The following KIDINS220 variants were observed in gnomAD, a reference collection of about 807,000 sequenced individuals.
KIDINS220 encodes the protein kinase D interacting substrate 220, also known as kinase D-interacting substrate of 220 kDa.
KIDINS220 carries 63 observed loss-of-function variants against 157.6 expected under a neutral mutation model. The ratio of observed to expected loss-of-function variants is 0.40; its 90% CI spans 0.33 to 0.49. KIDINS220 has a LOEUF of 0.49. KIDINS220 is among the 20% of genes least tolerant of loss of function. The pLI, the probability that KIDINS220 is intolerant of heterozygous loss-of-function variation, is 0.66. For synonymous variants in KIDINS220, 732 were observed against 783.6 expected, an observed-to-expected ratio of 0.93 and a Z score of 1.10; for missense variants, 1,772 against 2,171.2, an observed-to-expected ratio of 0.82 and a Z score of 3.65.
intron 29 of KIDINS220, among the ~76,000 whole-genome samples, chr2:8,732,499 T>C (rs992489267): frequency 6.6e-6 from 1 of 152,222 alleles, no homozygotes; most frequent in Non-Finnish European, 1.5e-5. Flanking sequence ...AGTTGGGCCT[T>C]AGTAAACAGA....
rs1663734912 is a variant in KIDINS220, at chr2:8,729,520, A to T, written c.*1200T>A. On this transcript the variant is annotated 3_prime_UTR_variant, in exon 30 of 30. Coordinates refer to ENST00000256707, the MANE Select transcript of KIDINS220 (RefSeq NM_020738.4). ...CTAGTCCACACAGTACTTCAATGTGACCATTCTCTTAACTCGGCTAATAAT... is the reference window on the plus strand; with the variant it reads ...CTAGTCCACACAGTACTTCAATGTGTCCATTCTCTTAACTCGGCTAATAAT... The T allele has an allele frequency of 3.0e-6, 3 of 983,836 alleles. No homozygotes were observed. In the South Asian group the frequency reaches 1.4e-4, roughly 46 times the overall value. The allele number at this position is 983,836 out of a possible 1,614,324, so 60.9% of individuals were successfully genotyped here.
intron 23 of KIDINS220, among the ~76,000 whole-genome samples, chr2:8,750,704 T>C (rs1008338361): frequency 1.3e-5 from 2 of 152,250 alleles, no homozygotes; most frequent in African/African-American, 4.8e-5. Flanking sequence ...TATTAACACA[T>C]ATAATGTTAG....
At chr2:8,796,734 C>CT in intron 11 of KIDINS220, 37 bp downstream of exon 11, 1 of 1,515,986 alleles carries the variant, frequency 6.6e-7, no homozygotes, top group Non-Finnish European at 9.2e-7. Flanking sequence ...CGACCAACAG[C>CT]TTTCCATACA....
rs1403416835 is a variant in KIDINS220, at chr2:8,731,603, T to C, written c.4433A>G (p.Glu1478Gly). Reference protein sequence around the residue: ...NDASPLDPITEEDEKSDQSGS... With the variant: ...NDASPLDPITGEDEKSDQSGS... ...TGACTGATCTGATTTTTCATCTTCT[T>C]CAGTGATAGGATCCAGGGGGGAAGC... The change falls in exon 30 of 30, where the codon GAA becomes GGA. Residue 1478 changes from glutamate (E) to glycine (G), a missense_variant. This residue lies in a region of KIDINS220 where 793 missense variants were observed against 885.5 expected (regional missense o/e 0.90). Transcript: ENST00000256707. The surrounding 1 kb of genome is among the most constrained non-coding windows in gnomAD (Gnocchi z 5.2). 6.2e-7 allele frequency: 1 copy of C among 1,614,040 alleles called. No individual in the cohort carries two copies. The highest frequency in any genetic ancestry group is 8.5e-7 in the Non-Finnish European group (1 of 1,180,004).
chr2:8,794,896 T>G, intron 11 of KIDINS220, among the ~76,000 whole-genome samples: 1 of 152,180 alleles, frequency 6.6e-6, no homozygotes, highest in Non-Finnish European at 1.5e-5. Context: ...TCCTCTCATG[T>G]CCTAAAAAAT....
chr2:8,800,517 A>G lies in KIDINS220; in HGVS notation c.802-19T>C. On this transcript the variant is annotated intron_variant, in intron 8 of 29. Transcript: ENST00000256707. ...CCCCACTCTAAGAAGACAGAAAATA[A>G]AAACAAAAACAAGGTAAATTGACAA... is the stretch of plus-strand genomic sequence containing the variant. The G allele has an allele frequency of 6.6e-7, 1 of 1,510,528 alleles. No homozygotes were observed. Among genetic ancestry groups the G allele is most frequent in the South Asian group, 1.2e-5 (1 of 84,758 alleles). 93.6% of individuals were successfully genotyped at this position (1,510,528 alleles called of 1,614,324 possible).
Position 8,790,078 on chromosome 2 carries a change from C to G in KIDINS220, c.1442-19G>C. On this transcript the variant is annotated intron_variant, in intron 13 of 29. Transcript: ENST00000256707. ...ATTTCGTCTGAAAGAGAATTTAATA[C>G]GAAACCTTATTCCTGTTTTGTTTAA... 6.3e-7 allele frequency: 1 copy of G among 1,574,882 alleles called. No individual in the cohort carries two copies. Among genetic ancestry groups the G allele is most frequent in the Non-Finnish European group, 8.6e-7 (1 of 1,167,424 alleles).
Position 8,788,886 on chromosome 2 carries a change from A to C in KIDINS220, c.1622-74T>G, listed in dbSNP as rs576378248. On this transcript the variant is annotated intron_variant, in intron 14 of 29. Transcript: ENST00000256707. ...CAGATCTTTTCTCCAAAGATCAAGT[A>C]TCAAGTAATGAGAGCTAAGCTTACA... is the stretch of plus-strand genomic sequence containing the variant. 4.2e-4 allele frequency: 569 copies of C among 1,352,352 alleles called. 9 individuals carry two copies. The South Asian group carries it at 6.9e-3, about 17-fold the overall frequency. The allele number at this position is 1,352,352 out of a possible 1,614,324, so 83.8% of individuals were successfully genotyped here. A position where few individuals can be genotyped will look rare whatever the true frequency, so the allele number is the denominator to read the frequency against.
At position 8,798,310 on chromosome 2, in the gene KIDINS220, TAA is replaced by T. The variant is rs558177292; in HGVS notation, c.901-12_901-11del. The T allele has an allele frequency of 7.0e-7, 1 of 1,421,960 alleles. No homozygotes were observed. The highest frequency in any genetic ancestry group is 1.4e-5 in the African/African-American group (1 of 70,672). 88.1% of individuals were successfully genotyped at this position (1,421,960 alleles called of 1,614,324 possible). A position where few individuals can be genotyped will look rare whatever the true frequency, so the allele number is the denominator to read the frequency against. Reference sequence around the variant, plus strand: ...AAGCAGTTTTATTATCCTAGATAATTAAAAAAAACACAATCACTTCATGTAAG... The same window carrying T: ...AAGCAGTTTTATTATCCTAGATAATTAAAAAACACAATCACTTCATGTAAG... On this transcript the variant is annotated splice_polypyrimidine_tract_variant and intron_variant, in intron 9 of 29. Transcript: ENST00000256707.
chr2:8,830,981 A>G (rs1679534122), intron 1 of KIDINS220, among the ~76,000 whole-genome samples: 1 of 152,194 alleles, frequency 6.6e-6, no homozygotes, highest in African/African-American at 2.4e-5. Context: ...GTGACAGGCT[A>G]GCAACTTTTG....
chr2:8,756,637 T>C (rs558243853), intron 22 of KIDINS220, among the ~76,000 whole-genome samples: 2 of 152,162 alleles, frequency 1.3e-5, no homozygotes, highest in Non-Finnish European at 2.9e-5. Flanking sequence ...GGCCTTCTTT[T>C]TGGTTTGCAA....
At chr2:8,733,754 C>T (rs1664474817) in intron 28 of KIDINS220, 74 bp from the exon 29 acceptor site, 1 of 1,014,576 alleles carries the variant, frequency 9.9e-7, no homozygotes, top group South Asian at 1.9e-5. Flanking sequence ...TTTAGAAATA[C>T]CAAACATTAT....
Position 8,802,958 on chromosome 2 carries a change from G to C in KIDINS220, c.773C>G (p.Ala258Gly), listed in dbSNP as rs779916209. ...HTEIVQDLLD[A>G]GTYVNIPDRS... Reference sequence around the variant, plus strand: ...GTCAGGTATGTTCACATATGTTCCAGCGTCGAGCAGATCCTGCACAATCTC... The same window carrying C: ...GTCAGGTATGTTCACATATGTTCCACCGTCGAGCAGATCCTGCACAATCTC... The change falls in exon 8 of 30, where the codon GCT becomes GGT. Residue 258 changes from alanine to glycine, a missense_variant. Physicochemically the swap from Ala to Gly is moderately conservative, Grantham distance 60. Transcript: ENST00000256707. 6.2e-7 allele frequency: 1 copy of C among 1,613,916 alleles called. No homozygotes were observed. Among genetic ancestry groups the C allele is most frequent in the East Asian group, 2.2e-5 (1 of 44,866 alleles).
chr2:8,753,801 A>C (rs564966305), intron 22 of KIDINS220, among the ~76,000 whole-genome samples: 4 of 152,354 alleles, frequency 2.6e-5, no homozygotes, highest in Admixed American at 1.3e-4. Flanking sequence ...AAGTCATCTA[A>C]GGGAAAAACC....
intron 26 of KIDINS220, among the ~76,000 whole-genome samples, chr2:8,744,182 ATAT>A (rs1364974445): frequency 2.8e-5 from 4 of 144,466 alleles, no homozygotes; most frequent in East Asian, 2.0e-4. Flanking sequence ...TTTATATTAT[ATAT>A]TATTAATTTA....
In KIDINS220 at chr2:8,770,819, T is replaced by C; in HGVS notation, c.2862A>G (p.Arg954=). 3.1e-6 allele frequency: 5 copies of C among 1,598,914 alleles called. No homozygotes were observed. Among genetic ancestry groups the C allele is most frequent in the Non-Finnish European group, 4.3e-6 (5 of 1,173,606 alleles). The change falls in exon 22 of 30, where the codon AGA becomes AGG. Residue 954 remains arginine, a synonymous_variant. Transcript: ENST00000256707. ...NIVSVTGRLL[R]ANQISFNWDR... Reference sequence around the variant, plus strand: ...CCCAGTTGAAACTAATCTGATTGGCTCTCAGTAATCGTCCTTTTAAAAAAT... The same window carrying C: ...CCCAGTTGAAACTAATCTGATTGGCCCTCAGTAATCGTCCTTTTAAAAAAT...
At chr2:8,812,331 T>C (rs553857026) in intron 6 of KIDINS220, 64 bp downstream of exon 6, 6 of 723,648 alleles carry the variant, frequency 8.3e-6, no homozygotes, top group Non-Finnish European at 8.8e-6. Context: ...ATAAAAATGT[T>C]TATAACTTAG....
chr2:8,829,056 G>C (rs934093036), intron 1 of KIDINS220, among the ~76,000 whole-genome samples: 1 of 152,186 alleles, frequency 6.6e-6, no homozygotes, highest in African/African-American at 2.4e-5. Context: ...ATCTATCTCT[G>C]GGGGCCAGAG....
intron 22 of KIDINS220, among the ~76,000 whole-genome samples, chr2:8,768,035 T>G (rs146114269): frequency 3.5e-4 from 54 of 152,320 alleles, no homozygotes; most frequent in African/African-American, 1.3e-3. Flanking sequence ...GGTAAAAGAT[T>G]GACTGAGCAG....
Sources: gnomAD v4.1 joint callset for allele counts (sites outside exome capture counted in the v4.1 genomes callset) on GRCh38, gnomAD v4.1.1 for gene constraint, gnomAD v4.1.1 regional missense constraint, Gnocchi (gnomAD v3.1) non-coding constraint, MANE v1.5 for transcripts, NCBI Gene and HGNC (gene_info 2026-07-23, HGNC 2026-07-21) for gene names.